The following TNRC18 variants were observed in gnomAD, a reference collection of about 807,000 sequenced individuals.
The protein encoded by TNRC18 is trinucleotide repeat containing 18, also known as trinucleotide repeat-containing gene 18 protein.
In TNRC18, 69 loss-of-function variants were observed where a neutral mutation model predicts 226.7. The ratio of observed to expected loss-of-function variants is 0.30; its 90% CI spans 0.25 to 0.37. The LOEUF is 0.37. Among genes scored for constraint, TNRC18 ranks in the 10% least tolerant of loss-of-function variants. The pLI, the probability that TNRC18 is intolerant of heterozygous loss-of-function variation, is 1.00. For missense variants in TNRC18, 4,754 were observed against 4,256.6 expected (o/e 1.12, Z -3.25); for synonymous variants, 2,449 against 1,927.6 (o/e 1.27, Z -7.09).
intron 11 of TNRC18, among the ~76,000 whole-genome samples, chr7:5,363,227 C>T (rs970063618): frequency 4.6e-5 from 7 of 150,812 alleles, no homozygotes; most frequent in South Asian, 2.1e-4. Flanking sequence ...CACTTGAACC[C>T]GGGAGGCAGA....
chr7:5,319,303 G>A (rs1189561558), intron 24 of TNRC18, among the ~76,000 whole-genome samples: 1 of 152,202 alleles, frequency 6.6e-6, no homozygotes, highest in Non-Finnish European at 1.5e-5. Context: ...ATGGATGGTA[G>A]GCCAAGCAGT....
chr7:5,370,252 G>C, intron 11 of TNRC18, 123 bp downstream of exon 11: 1 of 1,194,360 alleles, frequency 8.4e-7, no homozygotes, highest in South Asian at 1.6e-5. Flanking sequence ...GAGCCCAGGA[G>C]TTTGAGGCTG....
intron 2 of TNRC18, among the ~76,000 whole-genome samples, chr7:5,398,324 C>A (rs538496390): frequency 2.0e-5 from 3 of 152,100 alleles, no homozygotes; most frequent in Non-Finnish European, 4.4e-5. Context: ...GTATACCCCA[C>A]GACGCCTGGC....
At chr7:5,417,851 T>C (rs148295462) in intron 2 of TNRC18, among the ~76,000 whole-genome samples, 38 of 152,268 alleles carry the variant, frequency 2.5e-4, no homozygotes, top group African/African-American at 8.2e-4. Flanking sequence ...CTTCACTGAT[T>C]AATCTTTCTA....
At chr7:5,412,244 G>GA (rs55864404) in intron 2 of TNRC18, among the ~76,000 whole-genome samples, 2,340 of 71,500 alleles carry the variant, frequency 0.033, 48 homozygotes, top group African/African-American at 0.046. Context: ...AATTCCAAAT[G>GA]AAAAAAAAAA....
chr7:5,353,580 A>AC (rs887009717), intron 16 of TNRC18, among the ~76,000 whole-genome samples: 1 of 150,730 alleles, frequency 6.6e-6, no homozygotes, highest in African/African-American at 2.4e-5. Flanking sequence ...AAAAAAAAAA[A>AC]ACCCACAGGG....
intron 19 of TNRC18, among the ~76,000 whole-genome samples, chr7:5,330,209 G>T (rs1447866999): frequency 2.6e-5 from 4 of 152,102 alleles, no homozygotes; most frequent in Non-Finnish European, 1.5e-5. Context: ...TAGGATTACA[G>T]GAATGAGCCA....
Position 5,370,724 on chromosome 7 carries a change from G to A in TNRC18, c.3870C>T (p.Thr1290=). 6.2e-7 allele frequency: 1 copy of A among 1,607,998 alleles called. No homozygotes were observed. Among genetic ancestry groups the A allele is most frequent in the Non-Finnish European group, 8.5e-7 (1 of 1,177,820 alleles). The change falls in exon 11 of 30, where the codon ACC becomes ACT. Residue 1290 remains threonine (T), a synonymous_variant. Coordinates refer to ENST00000430969, the MANE Select transcript of TNRC18 (RefSeq NM_001080495.3). ...GCACGTCACAGTCTGACATTTCTAG[G>A]GTGGGCTGGGACTCGCTCGGTGCCA... ...AQVAPSESQP[T]LEMSDCDVPA...
Position 5,389,307 on chromosome 7 carries a change from G to C in TNRC18, c.517C>G (p.Pro173Ala), listed in dbSNP as rs752999990. ...GGCGCGTGAGAGTGCAGGGAGCCCG[G>C]AGCCCCCGCGGTGGGCAGGTAGAAA... is the stretch of plus-strand genomic sequence containing the variant. ...DGFYLPTAGA[P>A]GSLHSHAPSA... The change falls in exon 5 of 30, where the codon CCG becomes GCG. Residue 173 changes from proline to alanine, a missense_variant. Physicochemically the swap from Pro to Ala is conservative, Grantham distance 27. Coordinates refer to ENST00000430969, the MANE Select transcript of TNRC18 (RefSeq NM_001080495.3). 11 of 1,283,722 alleles carry C rather than the reference G, an allele frequency of 8.6e-6. No homozygotes were observed. The highest frequency in any genetic ancestry group is 1.1e-5 in the Non-Finnish European group (11 of 1,015,658). 79.5% of individuals were successfully genotyped at this position (1,283,722 alleles called of 1,614,324 possible).
At chr7:5,417,846 C>G (rs1393572925) in intron 2 of TNRC18, among the ~76,000 whole-genome samples, 1 of 152,220 alleles carries the variant, frequency 6.6e-6, no homozygotes, top group East Asian at 1.9e-4. Context: ...GCGGTCTTCA[C>G]TGATTAATCT....
chr7:5,389,585 G>C (rs993015688), intron 4 of TNRC18: 3 of 298,894 alleles, frequency 1.0e-5, no homozygotes, highest in Non-Finnish European at 1.8e-5. Context: ...CTCTCCGGTA[G>C]CTGGGATTAC....
chr7:5,315,252 C>A, intron 25 of TNRC18, 104 bp from the exon 26 acceptor site: 6 of 1,289,778 alleles, frequency 4.7e-6, no homozygotes, highest in Non-Finnish European at 6.2e-6. Context: ...GCGGAAGCAA[C>A]CGACACCAGG....
Position 5,394,540 on chromosome 7 carries a change from G to T in TNRC18, c.243C>A (p.Ser81=). 1 of 1,551,396 alleles carries T rather than the reference G, an allele frequency of 6.4e-7. No homozygotes were observed. Residue 81 remains serine, a synonymous_variant, in exon 3 of 30, where the codon TCC becomes TCA. Transcript: ENST00000430969. The surrounding 1 kb of genome is among the most constrained non-coding windows in gnomAD (Gnocchi z 4.5). Reference sequence around the variant, plus strand: ...AGGGCAGTGGCACTGGGCTCCCATGGGACGAGGCCGAGGGCCCCATCCCGC... The same window carrying T: ...AGGGCAGTGGCACTGGGCTCCCATGTGACGAGGCCGAGGGCCCCATCCCGC... ...VASGMGPSAS[S]HGSPVPLPSD... is the part of the protein sequence containing the mutation.
intron 2 of TNRC18, chr7:5,420,254 C>G: frequency 2.6e-6 from 1 of 380,434 alleles, no homozygotes; most frequent in Non-Finnish European, 5.3e-6. Flanking sequence ...CGGCCACCTC[C>G]TCCAGCAGCT....
At chr7:5,384,335 A>C (rs1332304955) in intron 5 of TNRC18, among the ~76,000 whole-genome samples, 1 of 152,084 alleles carries the variant, frequency 6.6e-6, no homozygotes, top group African/African-American at 2.4e-5. Context: ...TCCTAAGCTC[A>C]AGTGATCCTC....
At chr7:5,335,427 G>A (rs949544325) in intron 18 of TNRC18, among the ~76,000 whole-genome samples, 7 of 151,302 alleles carry the variant, frequency 4.6e-5, no homozygotes, top group Non-Finnish European at 7.4e-5. Context: ...GGCCAACATG[G>A]TGAAACACCA....
intron 9 of TNRC18, among the ~76,000 whole-genome samples, 176 bp downstream of exon 9, chr7:5,375,858 G>C (rs1794618810): frequency 6.6e-6 from 1 of 152,202 alleles, no homozygotes; most frequent in Non-Finnish European, 1.5e-5. Context: ...CTCTTCTACA[G>C]ATGGCTCCAG....
At chr7:5,366,725 C>T (rs1295990649) in intron 11 of TNRC18, among the ~76,000 whole-genome samples, 2 of 152,184 alleles carry the variant, frequency 1.3e-5, no homozygotes, top group Non-Finnish European at 2.9e-5. Flanking sequence ...CACCCCATAC[C>T]CCCGCCTCGA....
intron 18 of TNRC18, among the ~76,000 whole-genome samples, chr7:5,344,176 A>C (rs1300642157): frequency 2.0e-5 from 3 of 152,312 alleles, no homozygotes; most frequent in East Asian, 3.9e-4. Context: ...TAAATGTCTG[A>C]GAGTACTAGC....
Sources: gnomAD v4.1 joint callset for allele counts (sites outside exome capture counted in the v4.1 genomes callset) on GRCh38, gnomAD v4.1.1 for gene constraint, Gnocchi (gnomAD v3.1) non-coding constraint, MANE v1.5 for transcripts, NCBI Gene and HGNC (gene_info 2026-07-23, HGNC 2026-07-21) for gene names.